The following ELP1 variants were observed in gnomAD, a reference collection of about 807,000 sequenced individuals.
ELP1 encodes elongator complex protein 1.
ELP1 carries 131 observed loss-of-function variants against 183.2 expected under a neutral mutation model. The observed-to-expected ratio is 0.72, with a 90% CI of 0.62 to 0.83. The LOEUF (loss-of-function observed/expected upper bound fraction) is 0.83, where lower values mean the gene tolerates loss of function less well. Among genes scored for constraint, ELP1 ranks in the 40% least tolerant of loss-of-function variants. The pLI is 0.00. For missense variants in ELP1, 1,550 were observed against 1,594.9 expected, an observed-to-expected ratio of 0.97 and a Z score of 0.48; for synonymous variants, 555 against 569.0, an observed-to-expected ratio of 0.98 and a Z score of 0.35.
Position 108,906,503 on chromosome 9 carries a change from GA to G in ELP1, c.1461-19del. 6.2e-7 allele frequency: 1 copy of G among 1,603,206 alleles called. No individual in the cohort carries two copies. On this transcript the variant is annotated intron_variant, in intron 13 of 36. Transcript: ENST00000374647. ...ACTGGATTCTATTGTAAATATTGAA[GA>G]ATATCCAAGACATGAATAAAACTTA...
intron 10 of ELP1, among the ~76,000 whole-genome samples, chr9:108,915,355 G>A (rs180758190): frequency 1.1e-4 from 17 of 152,222 alleles, no homozygotes; most frequent in African/African-American, 3.9e-4. Context: ...ATTTATAATC[G>A]GCTGACTATA....
At position 108,897,259 on chromosome 9, in the gene ELP1, T is replaced by C. The variant is rs1181862976; in HGVS notation, c.2390A>G (p.Tyr797Cys). 2.5e-6 allele frequency: 4 copies of C among 1,614,134 alleles called. No individual in the cohort carries two copies. The East Asian group carries it at 6.7e-5, about 27-fold the overall frequency. Residue 797 changes from tyrosine to cysteine, a missense_variant, in exon 23 of 37, where the codon TAC becomes TGC. Tyr to Cys is a radical substitution (Grantham distance 194). Transcript: ENST00000374647. ...GACACTGCTGGTAACTGGTGCAGGG[T>C]ACATGGTCTTCGTGACATCTTCTTC... ...LKEEDVTKTMYPAPVTSSVYL... is the reference protein window; with the variant it reads ...LKEEDVTKTMCPAPVTSSVYL...
At chr9:108,877,509 C>T (rs1458151261) in intron 35 of ELP1, among the ~76,000 whole-genome samples, 1 of 152,134 alleles carries the variant, frequency 6.6e-6, no homozygotes, top group South Asian at 2.1e-4. Flanking sequence ...TAGAATTCTG[C>T]GATACAAAGC....
At chr9:108,885,343 G>C (rs1828086349) in intron 29 of ELP1, among the ~76,000 whole-genome samples, 1 of 151,966 alleles carries the variant, frequency 6.6e-6, no homozygotes, top group African/African-American at 2.4e-5. Context: ...CATCACCATA[G>C]ACCCTACGGA....
intron 5 of ELP1, among the ~76,000 whole-genome samples, chr9:108,924,616 T>C (rs754333): frequency 0.13 from 19,708 of 152,182 alleles, 1,657 homozygotes; most frequent in Middle Eastern, 0.19. Context: ...ACTCTTCCTG[T>C]ACAGCATCTG....
chr9:108,901,585 T>C, intron 17 of ELP1, 43 bp downstream of exon 17: 1 of 1,612,310 alleles, frequency 6.2e-7, no homozygotes, highest in Non-Finnish European at 8.5e-7. Context: ...TACTCGGAGC[T>C]AACACTGTGA....
chr9:108,907,878 T>A (rs1564093129), intron 13 of ELP1, among the ~76,000 whole-genome samples: 1 of 152,162 alleles, frequency 6.6e-6, no homozygotes, highest in African/African-American at 2.4e-5. Flanking sequence ...CTGATTTCCA[T>A]CCCAGGAGCC....
chr9:108,870,255 C>T (rs934872465), intron 36 of ELP1, among the ~76,000 whole-genome samples: 2 of 152,190 alleles, frequency 1.3e-5, no homozygotes, highest in Non-Finnish European at 2.9e-5. Context: ...TGAGCCACCA[C>T]ACCTGGCCCC....
chr9:108,917,467 CAAAAAAAAA>C, intron 9 of ELP1, 71 bp downstream of exon 9: 2 of 1,200,902 alleles, frequency 1.7e-6, no homozygotes, highest in Admixed American at 4.4e-5. Flanking sequence ...AACTCCATCT[CAAAAAAAAA>C]AAAAAAAAAT....
intron 11 of ELP1, 97 bp from the exon 12 acceptor site, chr9:108,911,277 ATTC>A: frequency 2.6e-6 from 3 of 1,154,322 alleles, no homozygotes; most frequent in Admixed American, 2.0e-5. Flanking sequence ...AATAATGGCA[ATTC>A]ACAAAAAAAT....
intron 12 of ELP1, among the ~76,000 whole-genome samples, chr9:108,909,505 C>A (rs1829134257): frequency 6.6e-6 from 1 of 152,236 alleles, no homozygotes; most frequent in Non-Finnish European, 1.5e-5. Context: ...TTCCCTTCCA[C>A]TTGGGCACGG....
At chr9:108,916,126 G>T (rs1587913312) in intron 10 of ELP1, 78 bp downstream of exon 10, 1 of 1,063,032 alleles carries the variant, frequency 9.4e-7, no homozygotes, top group East Asian at 2.4e-5. Flanking sequence ...AAGTAGAAGG[G>T]ATGAAGGAAA....
Position 108,889,340 on chromosome 9 carries a change from A to T in ELP1, c.3214T>A (p.Cys1072Ser), listed in dbSNP as rs3204145. The T allele has an allele frequency of 0.18, 292,176 of 1,613,288 alleles. 28,322 individuals carry two copies. The highest frequency in any genetic ancestry group is 0.32 in the African/African-American group (24,098 of 74,900). Residue 1072 changes from cysteine to serine, a missense_variant, in exon 29 of 37, where the codon TGT (cysteine) becomes AGT (serine). Transcript: ENST00000374647. ...GGAGGAATTGAGTTTACCTGGGCACACTCTTCCAAAACCATGGCCGCATCA... is the reference window on the plus strand; with the variant it reads ...GGAGGAATTGAGTTTACCTGGGCACTCTCTTCCAAAACCATGGCCGCATCA... ...HIDAAMVLEE[C>S]AQDYEEAVLL...
In ELP1 at chr9:108,924,388, AT is replaced by A. The variant is rs112255423; in HGVS notation, c.467-1462del. On this transcript the variant is annotated intron_variant, in intron 5 of 36. Transcript: ENST00000374647. The stretch of plus-strand genomic sequence containing the variant: ...AAAATATTCATCACTCCATAGAATG[AT>A]TTTTTTTTTTTTGTACTGAGAAACA... Among the ~76,000 whole-genome samples, 669 of 145,994 alleles carry A rather than the reference AT, an allele frequency of 4.6e-3. 2 individuals carry two copies. Among genetic ancestry groups the A allele is most frequent in the African/African-American group, 0.011 (433 of 40,118 alleles).
chr9:108,882,553 ATAG>A (rs1247684770), intron 29 of ELP1, among the ~76,000 whole-genome samples: 1 of 152,006 alleles, frequency 6.6e-6, no homozygotes, highest in Non-Finnish European at 1.5e-5. Flanking sequence ...CTTTGAAAAA[ATAG>A]TAGACTAGAA....
At chr9:108,904,112 A>G (rs893548841) in intron 14 of ELP1, among the ~76,000 whole-genome samples, 3 of 152,220 alleles carry the variant, frequency 2.0e-5, no homozygotes, top group Non-Finnish European at 4.4e-5. Flanking sequence ...TAGGAAAATG[A>G]GCACACTCAA....
rs772694065 is a variant in ELP1 at position 108,874,878 on chromosome 9, T to C, written c.3931+17A>G. Reference sequence around the variant, plus strand: ...TTCTGCTTAGTATTGTAATATTAAATGAGAAAAAATACTAACCAAGAACAG... The same window carrying C: ...TTCTGCTTAGTATTGTAATATTAAACGAGAAAAAATACTAACCAAGAACAG... On this transcript the variant is annotated intron_variant, in intron 36 of 36. Transcript: ENST00000374647. 23 of 1,521,560 alleles carry C rather than the reference T, an allele frequency of 1.5e-5. No homozygotes were observed. Among genetic ancestry groups the C allele is most frequent in the Admixed American group, 3.3e-5 (2 of 59,874 alleles). The allele number at this position is 1,521,560 out of a possible 1,614,324, so 94.3% of individuals were successfully genotyped here. A position where few individuals can be genotyped will look rare whatever the true frequency, so the allele number is the denominator to read the frequency against.
intron 1 of ELP1, among the ~76,000 whole-genome samples, chr9:108,933,446 C>T (rs955274551): frequency 1.3e-5 from 2 of 152,172 alleles, no homozygotes; most frequent in African/African-American, 4.8e-5. Context: ...GAGAGAAAGC[C>T]ACGTAAAACA....
chr9:108,881,167 T>G (rs1410154965), intron 31 of ELP1, among the ~76,000 whole-genome samples: 1 of 152,214 alleles, frequency 6.6e-6, no homozygotes, highest in East Asian at 1.9e-4. Context: ...ATAAAAGTTG[T>G]AAGAGTTCAA....
Sources: allele counts gnomAD v4.1 joint callset (sites outside exome capture counted in the v4.1 genomes callset), GRCh38; gene constraint gnomAD v4.1.1; transcripts MANE v1.5; gene names NCBI Gene and HGNC (gene_info 2026-07-23, HGNC 2026-07-21).